The following SYNJ2 variants were observed in gnomAD, a reference collection of about 807,000 sequenced individuals.
SYNJ2 encodes synaptojanin 2.
Under a neutral mutation model 141.3 loss-of-function variants are expected in SYNJ2, and 116 were observed. That is an observed-to-expected ratio of 0.82 (90% CI 0.71 to 0.96). The LOEUF (loss-of-function observed/expected upper bound fraction) is 0.96. Ranked by LOEUF, SYNJ2 falls within the 40% of genes least tolerant of loss-of-function variation. SYNJ2 has a pLI of 0.00. For missense variants in SYNJ2, 1,873 were observed against 1,934.8 expected (o/e 0.97, Z 0.60); for synonymous variants, 745 against 777.7 (o/e 0.96, Z 0.70).
At position 158,028,809 on chromosome 6, in the gene SYNJ2, A is replaced by G. The variant is rs146500677; in HGVS notation, c.268A>G (p.Arg90Gly). Reference sequence around the variant, plus strand: ...GGTGACAGGCTGCACATCTGTGGGCAGAATTCCAGATGCTGAAATCTACAA... The same window carrying G: ...GGTGACAGGCTGCACATCTGTGGGCGGAATTCCAGATGCTGAAATCTACAA... The part of the protein sequence containing the change: ...VLVTGCTSVG[R>G]IPDAEIYKIT... Residue 90 changes from arginine to glycine, a missense_variant, in exon 3 of 27, where the codon AGA (arginine) becomes GGA (glycine). Arg to Gly is a moderately radical substitution (Grantham distance 125, BLOSUM62 -2). Transcript: ENST00000355585. 53 of 1,614,190 alleles carry G rather than the reference A, an allele frequency of 3.3e-5. No individual in the cohort carries two copies. Among genetic ancestry groups the G allele is most frequent in the Admixed American group, 2.7e-4 (16 of 60,024 alleles).
rs1464650786 is a variant in SYNJ2, at chr6:158,093,038, C to A, written c.3678C>A (p.Leu1226=). 1 of 1,611,432 alleles carries A rather than the reference C, an allele frequency of 6.2e-7. No homozygotes were observed. Among genetic ancestry groups the A allele is most frequent in the Non-Finnish European group, 8.5e-7 (1 of 1,179,414 alleles). The change falls in exon 26 of 27, where the codon CTC becomes CTA. Residue 1226 remains leucine (L), a synonymous_variant. Transcript: ENST00000355585. ...AKPETPQAPP[L]LPRRPPPRVP... ...CAGAGACCCCACAGGCGCCCCCACT[C>A]CTTCCCCGTCGGCCCCCACCCAGAG... is the stretch of plus-strand genomic sequence containing the variant.
chr6:157,986,968 T>A (rs1236494645), intron 1 of SYNJ2, among the ~76,000 whole-genome samples: 1 of 152,166 alleles, frequency 6.6e-6, no homozygotes, highest in East Asian at 1.9e-4. Context: ...TCAATTTTTT[T>A]ATTTTATTGT....
chr6:158,019,324 G>A (rs1778636603), intron 2 of SYNJ2, among the ~76,000 whole-genome samples: 1 of 152,228 alleles, frequency 6.6e-6, no homozygotes, highest in Non-Finnish European at 1.5e-5. Flanking sequence ...CAACCACCAG[G>A]CTGTTCTCCT....
At chr6:158,074,163 T>C (rs1455805416) in intron 15 of SYNJ2, among the ~76,000 whole-genome samples, 1 of 152,108 alleles carries the variant, frequency 6.6e-6, no homozygotes, top group Non-Finnish European at 1.5e-5. Context: ...GGAAGTTACA[T>C]GAAGGTGCAC....
chr6:158,059,208 T>A (rs1781050091), intron 6 of SYNJ2, 49 bp from the exon 7 acceptor site: 2 of 1,493,564 alleles, frequency 1.3e-6, no homozygotes, highest in Non-Finnish European at 8.9e-7. Context: ...GGGCAGAGTC[T>A]GCACCTGTGC....
chr6:158,069,495 G>C (rs1781776712), intron 13 of SYNJ2, 38 bp from the exon 14 acceptor site: 2 of 1,591,598 alleles, frequency 1.3e-6, no homozygotes, highest in Non-Finnish European at 1.7e-6. Context: ...TGTACTTCCA[G>C]CTACCTGTAA....
At chr6:158,002,391 T>C (rs1003402209) in intron 1 of SYNJ2, 3 of 152,084 alleles carry the variant, frequency 2.0e-5, no homozygotes, top group African/African-American at 7.2e-5. Context: ...CATGTGGAAA[T>C]AGGGAGGCGG....
chr6:158,066,556 G>C lies in SYNJ2; in HGVS notation c.1638G>C (p.Arg546=), dbSNP rs1690402354. The C allele has an allele frequency of 1.2e-6, 2 of 1,614,080 alleles. No individual in the cohort carries two copies. Among genetic ancestry groups the C allele is most frequent in the Admixed American group, 1.7e-5 (1 of 60,004 alleles). ...ACGTGAACGGAGGAAAGCAGTTCCG[G>C]AGCAACGTGCTCAGGACGGCGGAGC... The part of the protein sequence containing the change: ...TWNVNGGKQF[R]SNVLRTAELT... The change falls in exon 12 of 27, where the codon CGG becomes CGC. Residue 546 remains arginine, a synonymous_variant. Transcript: ENST00000355585.
chr6:158,067,944 C>T, intron 12 of SYNJ2: 1 of 985,266 alleles, frequency 1.0e-6, no homozygotes, highest in Non-Finnish European at 1.2e-6. Context: ...GAAAGTGACT[C>T]CTCTTCTTTT....
intron 4 of SYNJ2, among the ~76,000 whole-genome samples, chr6:158,038,154 C>A (rs1438690898): frequency 6.6e-6 from 1 of 152,190 alleles, no homozygotes; most frequent in Non-Finnish European, 1.5e-5. Context: ...GTTGACATTG[C>A]CTCCACCTCC....
At chr6:158,000,304 C>A (rs1777797201) in intron 1 of SYNJ2, among the ~76,000 whole-genome samples, 1 of 152,064 alleles carries the variant, frequency 6.6e-6, no homozygotes, top group Non-Finnish European at 1.5e-5. Flanking sequence ...GCCGGAGAGT[C>A]ACAAACCATA....
chr6:158,064,628 G>A lies in SYNJ2; in HGVS notation c.1237G>A (p.Gly413Arg), dbSNP rs1311018374. 1.2e-6 allele frequency: 2 copies of A among 1,613,884 alleles called. No individual in the cohort carries two copies. The highest frequency in any genetic ancestry group is 1.7e-6 in the Non-Finnish European group (2 of 1,180,028). Residue 413 changes from glycine (G) to arginine (R), a missense_variant, in exon 10 of 27, where the codon GGG becomes AGG. Coordinates refer to ENST00000355585, the MANE Select transcript of SYNJ2 (RefSeq NM_003898.4). Reference sequence around the variant, plus strand: ...CCTGCATCTGCAGCTCAAGACCCTGGGGCTGAGTTCAAAACCCATCGTTGA... The same window carrying A: ...CCTGCATCTGCAGCTCAAGACCCTGAGGCTGAGTTCAAAACCCATCGTTGA... ...EVLHLQLKTL[G>R]LSSKPIVDRF...
At chr6:157,992,531 G>T (rs1332068015) in intron 1 of SYNJ2, among the ~76,000 whole-genome samples, 2 of 150,478 alleles carry the variant, frequency 1.3e-5, no homozygotes, top group Non-Finnish European at 3.0e-5. Flanking sequence ...CCAAGTAGCT[G>T]GGATTACAGG....
At chr6:158,017,726 T>C (rs1175619766) in intron 2 of SYNJ2, 1 of 530,322 alleles carries the variant, frequency 1.9e-6, no homozygotes, top group Non-Finnish European at 3.9e-6. Context: ...ACCTCTCTTC[T>C]CTTTTAAGAT....
chr6:158,072,761 C>T (rs1782016090), intron 15 of SYNJ2, among the ~76,000 whole-genome samples: 1 of 150,858 alleles, frequency 6.6e-6, no homozygotes, highest in African/African-American at 2.4e-5. Context: ...AAGTCTAACC[C>T]TTCTCACTTA....
intron 16 of SYNJ2, among the ~76,000 whole-genome samples, 199 bp downstream of exon 16, chr6:158,074,937 T>C (rs1583470386): frequency 1.2e-5 from 1 of 85,474 alleles, no homozygotes; most frequent in Non-Finnish European, 2.5e-5. Flanking sequence ...TTTTTTTTTT[T>C]TTTTTTTTCC....
In SYNJ2 at chr6:158,074,641, A is replaced by T; in HGVS notation, c.2195A>T (p.Asp732Val). 6.2e-7 allele frequency: 1 copy of T among 1,614,094 alleles called. No homozygotes were observed. The highest frequency in any genetic ancestry group is 8.5e-7 in the Non-Finnish European group (1 of 1,180,008). Residue 732 changes from aspartate (D) to valine (V), a missense_variant, in exon 16 of 27, where the codon GAT (aspartate) becomes GTT (valine). Coordinates refer to ENST00000355585, the MANE Select transcript of SYNJ2 (RefSeq NM_003898.4). ...TGTGGCGATTTCAACTACCGCATTG[A>T]TCTTACTTATGAAGAAGTCTTCTAT... Reference protein sequence around the residue: ...FWCGDFNYRIDLTYEEVFYFV... With the variant: ...FWCGDFNYRIVLTYEEVFYFV...
intron 1 of SYNJ2, among the ~76,000 whole-genome samples, chr6:158,008,837 A>G (rs557609796): frequency 6.6e-6 from 1 of 152,264 alleles, no homozygotes; most frequent in South Asian, 2.1e-4. Flanking sequence ...CTCTAGAGTC[A>G]GTTCTCAACA....
intron 6 of SYNJ2, 78 bp downstream of exon 6, chr6:158,055,106 G>C: frequency 6.6e-7 from 1 of 1,506,144 alleles, no homozygotes; most frequent in Non-Finnish European, 9.1e-7. Context: ...CAAGGGAGAG[G>C]GTGCGACGGG....
Sources: gnomAD v4.1 joint callset for allele counts (sites outside exome capture counted in the v4.1 genomes callset) on GRCh38, gnomAD v4.1.1 for gene constraint, MANE v1.5 for transcripts, NCBI Gene and HGNC (gene_info 2026-07-23, HGNC 2026-07-21) for gene names.